The following SNX29 variants were observed in gnomAD, a reference collection of about 807,000 sequenced individuals.
SNX29 encodes the protein sorting nexin 29, also known as sorting nexin-29.
A neutral mutation model predicts 102.1 loss-of-function variants in SNX29; 78 were observed. The observed-to-expected ratio is 0.76, with a 90% CI of 0.64 to 0.92. The LOEUF is 0.92. Ranked by LOEUF, SNX29 falls within the 40% of genes least tolerant of loss-of-function variation. The pLI is 0.00. For missense variants in SNX29, 1,280 were observed against 1,061.7 expected, an observed-to-expected ratio of 1.21 and a Z score of -2.86; for synonymous variants, 580 against 414.5, an observed-to-expected ratio of 1.40 and a Z score of -4.85.
chr16:12,572,274 A>C lies in SNX29; in HGVS notation c.*3645A>C, dbSNP rs1282536745. On this transcript the variant is annotated 3_prime_UTR_variant, in exon 21 of 21. Transcript: ENST00000566228. ...TGATACCATGGCTGTAGCTGATGCA[A>C]CTAACAAGTACTGGGGCCAGTGATC... 2 of 1,059,472 alleles carry C rather than the reference A, an allele frequency of 1.9e-6. No individual in the cohort carries two copies. The highest frequency in any genetic ancestry group is 1.0e-4 in the East Asian group (2 of 19,556). The allele number at this position is 1,059,472 out of a possible 1,614,324, so 65.6% of individuals were successfully genotyped here.
At chr16:12,446,817 C>G (rs112121831) in intron 18 of SNX29, among the ~76,000 whole-genome samples, 1 of 152,144 alleles carries the variant, frequency 6.6e-6, no homozygotes, top group Non-Finnish European at 1.5e-5. Flanking sequence ...GTTTTATTAA[C>G]TGGATCCCAA....
Position 12,448,942 on chromosome 16 carries a change from G to A in SNX29, c.2038-28777G>A, listed in dbSNP as rs149176414. ...CCCATAGGTACCAGGTTGACTCCCA[G>A]TGATTATCTCTCCAAGCTAGGGGAA... On this transcript the variant is annotated intron_variant, in intron 18 of 20. Coordinates refer to ENST00000566228, the MANE Select transcript of SNX29 (RefSeq NM_032167.5). Among the ~76,000 whole-genome samples, 238 of 152,332 alleles carry A rather than the reference G, an allele frequency of 1.6e-3. 1 individual carries two copies. Among genetic ancestry groups the A allele is most frequent in the African/African-American group, 5.5e-3 (228 of 41,580 alleles).
chr16:12,193,638 A>G (rs140139216), intron 13 of SNX29, among the ~76,000 whole-genome samples: 1,526 of 152,142 alleles, frequency 0.01, 78 homozygotes, highest in Admixed American at 0.088. Context: ...TTTAAATTAC[A>G]TTTGTTTGTG....
chr16:12,048,684 A>C (rs1223870667), intron 7 of SNX29, 64 bp downstream of exon 7: 2 of 1,613,162 alleles, frequency 1.2e-6, no homozygotes, highest in African/African-American at 2.7e-5. Flanking sequence ...TGGGGTGGAC[A>C]TATCTTGTCA....
chr16:12,345,303 A>G (rs1203028139), intron 15 of SNX29, among the ~76,000 whole-genome samples: 1 of 152,216 alleles, frequency 6.6e-6, no homozygotes, highest in Non-Finnish European at 1.5e-5. Flanking sequence ...CCATGTGACC[A>G]TGGGCAAGTG....
chr16:12,380,950 CACCCATCCATCA>C, intron 16 of SNX29, among the ~76,000 whole-genome samples: 1 of 60,106 alleles, frequency 1.7e-5, no homozygotes, highest in Non-Finnish European at 3.0e-5. Context: ...TCCATCCATC[CACCCATCCATCA>C]ATTTCATCCA....
chr16:12,135,936 C>T (rs371279706), intron 13 of SNX29, among the ~76,000 whole-genome samples: 21 of 152,324 alleles, frequency 1.4e-4, no homozygotes, highest in African/African-American at 4.6e-4. Context: ...AAGTGTTCCT[C>T]GGGGGGAGCC....
intron 13 of SNX29, among the ~76,000 whole-genome samples, chr16:12,185,634 C>T (rs1489146304): frequency 6.6e-6 from 1 of 152,156 alleles, no homozygotes; most frequent in East Asian, 1.9e-4. Context: ...AACTTTTTAT[C>T]CTTACTGCAT....
At chr16:12,194,018 C>G (rs2076709552) in intron 13 of SNX29, among the ~76,000 whole-genome samples, 1 of 152,156 alleles carries the variant, frequency 6.6e-6, no homozygotes. Flanking sequence ...TAGTCTATAT[C>G]TATAAGAAAT....
intron 20 of SNX29, among the ~76,000 whole-genome samples, chr16:12,562,307 G>T (rs552727641): frequency 2.0e-5 from 3 of 152,290 alleles, no homozygotes; most frequent in African/African-American, 4.8e-5. Context: ...GTTATCGTTG[G>T]CTTTGTCCCA....
At chr16:12,401,590 C>T (rs1318021928) in intron 17 of SNX29, among the ~76,000 whole-genome samples, 1 of 152,046 alleles carries the variant, frequency 6.6e-6, no homozygotes, top group Admixed American at 6.6e-5. Flanking sequence ...TCTCGAACTC[C>T]TGACCTCAGA....
intron 20 of SNX29, among the ~76,000 whole-genome samples, chr16:12,565,614 A>C (rs551839790): frequency 3.3e-4 from 50 of 152,280 alleles, no homozygotes; most frequent in African/African-American, 1.1e-3. Flanking sequence ...GGGACTTCCC[A>C]GGTGCCAGGC....
intron 15 of SNX29, among the ~76,000 whole-genome samples, chr16:12,283,556 T>A (rs1370539948): frequency 6.6e-6 from 1 of 152,154 alleles, no homozygotes; most frequent in African/African-American, 2.4e-5. Flanking sequence ...CTTGACTTCG[T>A]GATCCACCCA....
chr16:12,049,150 A>G (rs866054324), intron 7 of SNX29, among the ~76,000 whole-genome samples: 1 of 152,260 alleles, frequency 6.6e-6, no homozygotes, highest in Middle Eastern at 3.4e-3. Context: ...GGCCTCAGGA[A>G]AGAGAGGAGT....
intron 16 of SNX29, among the ~76,000 whole-genome samples, chr16:12,365,044 C>G (rs2082420889): frequency 6.6e-6 from 1 of 152,112 alleles, no homozygotes; most frequent in African/African-American, 2.4e-5. Flanking sequence ...AATTGAGGTA[C>G]AGAGAGGTTT....
rs57007411 is a variant in SNX29, at chr16:12,071,462, C to T, written c.1319+2330C>T. Among the ~76,000 whole-genome samples the T allele has an allele frequency of 7.3e-3, 1,116 of 152,220 alleles. 11 individuals are homozygous for T. Among genetic ancestry groups the T allele is most frequent in the African/African-American group, 0.026 (1,063 of 41,538 alleles). On this transcript the variant is annotated intron_variant, in intron 10 of 20. Transcript: ENST00000566228. ...CAATGCTTGTTTTTCTCAGGTTTGT[C>T]AAAGATCAGATAGTTGTAGGTATGC... is the stretch of plus-strand genomic sequence containing the variant.
chr16:12,323,103 G>C (rs74208996), intron 15 of SNX29, among the ~76,000 whole-genome samples: 2 of 93,972 alleles, frequency 2.1e-5, no homozygotes, highest in Non-Finnish European at 2.9e-5. Flanking sequence ...GGAGTCACCG[G>C]GGACCACTGT....
At chr16:12,551,896 G>C (rs952741233) in intron 20 of SNX29, among the ~76,000 whole-genome samples, 8 of 152,138 alleles carry the variant, frequency 5.3e-5, no homozygotes, top group African/African-American at 1.9e-4. Context: ...CATCTGTAAG[G>C]TAGGGATCTC....
intron 20 of SNX29, among the ~76,000 whole-genome samples, chr16:12,567,066 G>A (rs188537738): frequency 5.5e-4 from 84 of 152,360 alleles, no homozygotes; most frequent in Non-Finnish European, 9.4e-4. Flanking sequence ...CTGTTTCAGG[G>A]AACCCTGCAG....
Sources: gnomAD v4.1 joint callset for allele counts (sites outside exome capture counted in the v4.1 genomes callset) on GRCh38, gnomAD v4.1.1 for gene constraint, MANE v1.5 for transcripts, NCBI Gene and HGNC (gene_info 2026-07-23, HGNC 2026-07-21) for gene names.